LINGO2: variants seen among roughly 807,000 people sequenced by gnomAD.
LINGO2 encodes the protein leucine rich repeat and Ig domain containing 2, also known as leucine-rich repeat and immunoglobulin-like domain-containing nogo receptor-interacting protein 2.
Under a neutral mutation model 30.6 loss-of-function variants are expected in LINGO2, and 14 were observed. The ratio of observed to expected loss-of-function variants is 0.46; its 90% CI spans 0.30 to 0.72. LINGO2 has a LOEUF of 0.72. LINGO2 is among the 30% of genes least tolerant of loss of function. The pLI is 0.07. For synonymous variants in LINGO2, 317 were observed against 288.5 expected (o/e 1.10, Z -1.00); for missense variants, 729 against 751.7 (o/e 0.97, Z 0.35).
intron 5 of LINGO2, among the ~76,000 whole-genome samples, chr9:28,008,242 G>T (rs1822366312): frequency 6.6e-6 from 1 of 152,058 alleles, no homozygotes; most frequent in African/African-American, 2.4e-5. Context: ...ATTCTCTTAT[G>T]ATGTTTCTCA....
chr9:29,081,572 T>C, the LINGO2 span, among the ~76,000 whole-genome samples: 6 of 152,108 alleles, frequency 3.9e-5, no homozygotes. Context: ...GTGTTGGAAG[T>C]TCTGGCTAGG....
chr9:28,238,707 T>C (rs1156261215), intron 4 of LINGO2, among the ~76,000 whole-genome samples: 2 of 152,006 alleles, frequency 1.3e-5, no homozygotes, highest in African/African-American at 4.8e-5. Flanking sequence ...AAACTTCAAG[T>C]AGGTAACTTA....
chr9:28,554,053 T>C (rs1011065586), intron 1 of LINGO2, among the ~76,000 whole-genome samples: 10 of 151,924 alleles, frequency 6.6e-5, no homozygotes, highest in Non-Finnish European at 1.3e-4. Context: ...CATGCCAAAA[T>C]GTAAAGAACA....
intron 3 of LINGO2, among the ~76,000 whole-genome samples, chr9:28,343,281 A>G (rs1484800639): frequency 6.6e-6 from 1 of 152,158 alleles, no homozygotes; most frequent in Non-Finnish European, 1.5e-5. Context: ...TAAATTGCCA[A>G]TAGCAGCAAA....
intron 3 of LINGO2, among the ~76,000 whole-genome samples, chr9:28,354,158 A>G (rs1457388676): frequency 6.6e-6 from 1 of 152,186 alleles, no homozygotes; most frequent in Non-Finnish European, 1.5e-5. Context: ...TAATTAAAAA[A>G]AAAATGCTGT....
At chr9:28,342,539 C>A (rs1819385763) in intron 3 of LINGO2, among the ~76,000 whole-genome samples, 1 of 151,952 alleles carries the variant, frequency 6.6e-6, no homozygotes, top group African/African-American at 2.4e-5. Context: ...CAGCTTAAGG[C>A]CTTTGGTGAG....
chr9:28,323,287 T>C (rs1327525169), intron 3 of LINGO2, among the ~76,000 whole-genome samples: 2 of 152,212 alleles, frequency 1.3e-5, no homozygotes, highest in East Asian at 1.9e-4. Context: ...GATATAACTA[T>C]ATTTGCTCTG....
intron 1 of LINGO2, among the ~76,000 whole-genome samples, chr9:28,608,129 T>G (rs1322134844): frequency 6.8e-6 from 1 of 147,950 alleles, no homozygotes; most frequent in Admixed American, 6.9e-5. Flanking sequence ...ATTACACTTT[T>G]TAATTACATT....
At chr9:28,215,481 T>C (rs1370708090) in intron 4 of LINGO2, among the ~76,000 whole-genome samples, 1 of 151,844 alleles carries the variant, frequency 6.6e-6, no homozygotes, top group East Asian at 1.9e-4. Flanking sequence ...AATTAGAACC[T>C]TTATATTTTA....
chr9:28,596,935 T>C (rs1434483703), intron 1 of LINGO2, among the ~76,000 whole-genome samples: 2 of 152,136 alleles, frequency 1.3e-5, no homozygotes, highest in Non-Finnish European at 2.9e-5. Flanking sequence ...TCCCCTGTGT[T>C]CCATGGCTAT....
intron 3 of LINGO2, among the ~76,000 whole-genome samples, chr9:28,299,449 T>A (rs1587417277): frequency 1.1e-5 from 1 of 88,168 alleles, no homozygotes. Flanking sequence ...TTGCTTCTAA[T>A]TTTTTTTTTC....
At chr9:28,221,027 C>T (rs922641733) in intron 4 of LINGO2, among the ~76,000 whole-genome samples, 9 of 152,228 alleles carry the variant, frequency 5.9e-5, no homozygotes, top group Non-Finnish European at 1.0e-4. Context: ...AGGCCGGATG[C>T]GGTGGCTCAC....
the LINGO2 span, among the ~76,000 whole-genome samples, chr9:29,207,044 T>C: frequency 6.6e-6 from 1 of 151,910 alleles, no homozygotes; most frequent in African/African-American, 2.4e-5. Flanking sequence ...TGTGTACATA[T>C]ATATATGTAA....
chr9:29,132,792 C>G, the LINGO2 span, among the ~76,000 whole-genome samples: 2 of 152,104 alleles, frequency 1.3e-5, no homozygotes, highest in South Asian at 4.1e-4. Context: ...TGATAAGAAC[C>G]ACCATTAGCC....
At chr9:28,991,442 C>T in the LINGO2 span, among the ~76,000 whole-genome samples, 1 of 149,660 alleles carries the variant, frequency 6.7e-6, no homozygotes. Context: ...AAACACTCTG[C>T]AGGATATTAT....
At chr9:28,916,361 A>C in the LINGO2 span, among the ~76,000 whole-genome samples, 1 of 152,192 alleles carries the variant, frequency 6.6e-6, no homozygotes, top group Non-Finnish European at 1.5e-5. Context: ...GAGAGAATTA[A>C]CTAAGAGCCT....
chr9:29,139,757 G>T, the LINGO2 span, among the ~76,000 whole-genome samples: 43 of 152,246 alleles, frequency 2.8e-4, no homozygotes, highest in African/African-American at 7.5e-4. Flanking sequence ...CCAAGTCCTA[G>T]CTTCTATGTG....
the LINGO2 span, among the ~76,000 whole-genome samples, chr9:29,115,893 A>C: frequency 6.6e-6 from 1 of 151,940 alleles, no homozygotes; most frequent in African/African-American, 2.4e-5. Context: ...AGAATATAAT[A>C]CTCTCTGCAA....
chr9:28,188,337 A>G (rs1819617609), intron 4 of LINGO2, among the ~76,000 whole-genome samples: 1 of 152,128 alleles, frequency 6.6e-6, no homozygotes, highest in South Asian at 2.1e-4. Flanking sequence ...AAATAACTAA[A>G]TTGTTTTCTT....
Sources: gnomAD v4.1 joint callset for allele counts (sites outside exome capture counted in the v4.1 genomes callset) on GRCh38, gnomAD v4.1.1 for gene constraint, MANE v1.5 for transcripts, NCBI Gene and HGNC (gene_info 2026-07-23, HGNC 2026-07-21) for gene names.